Variants in ZBTB8B observed in about 807,000 individuals in gnomAD.
ZBTB8B encodes the protein zinc finger and BTB domain-containing protein 8B.
ZBTB8B carries 17 observed loss-of-function variants against 30.3 expected under a neutral mutation model. The ratio of observed to expected loss-of-function variants is 0.56; its 90% CI spans 0.38 to 0.84. The LOEUF is 0.84. Among genes scored for constraint, ZBTB8B ranks in the 40% least tolerant of loss-of-function variants. The pLI, the probability that ZBTB8B is intolerant of heterozygous loss-of-function variation, is 0.00. For synonymous variants in ZBTB8B, 248 were observed against 255.6 expected, an observed-to-expected ratio of 0.97 and a Z score of 0.28; for missense variants, 515 against 644.9, an observed-to-expected ratio of 0.80 and a Z score of 2.18.
At chr1:32,473,523 T>C (rs1432419303) in intron 2 of ZBTB8B, among the ~76,000 whole-genome samples, 1 of 151,220 alleles carries the variant, frequency 6.6e-6, no homozygotes, top group African/African-American at 2.4e-5. Flanking sequence ...TTTTTTTTTT[T>C]TTTTTTTGAG....
intron 2 of ZBTB8B, among the ~76,000 whole-genome samples, chr1:32,477,376 G>C (rs1223835447): frequency 1.3e-5 from 2 of 152,184 alleles, no homozygotes; most frequent in African/African-American, 2.4e-5. Flanking sequence ...TCAGGAAAGG[G>C]GAAGAAAGTG....
rs1643728670 is a variant in ZBTB8B at position 32,484,415 on chromosome 1, C to A, written c.1171-686C>A. Among the ~76,000 whole-genome samples the A allele has an allele frequency of 6.6e-6, 1 of 151,938 alleles. No homozygotes were observed. The highest frequency in any genetic ancestry group is 6.6e-5 in the Admixed American group (1 of 15,238). On this transcript the variant is annotated intron_variant, in intron 3 of 3. Transcript: ENST00000609129. The surrounding 1 kb of genome is among the most constrained non-coding windows in gnomAD (Gnocchi z 4.5). ...ATCGCTAGGTGGAGGCCCTAACTGG[C>A]CTAGAGCATCAGGAAAGACCTCCTT...
rs1301500785 is a variant in ZBTB8B, at chr1:32,471,348, G to A, written c.724G>A (p.Val242Ile). Residue 242 changes from valine (V) to isoleucine (I), a missense_variant, in exon 2 of 4, where the codon GTT (valine) becomes ATT (isoleucine). This residue lies in a region of ZBTB8B where 429 missense variants were observed against 504.3 expected (regional missense o/e 0.85). Transcript: ENST00000609129. The part of the protein sequence containing the change: ...EFDADEVEVD[V>I]GEQLQQYAAP... ...TGATGCTGATGAAGTGGAGGTGGACGTTGGTGAACAGCTGCAGCAGTATGC... is the reference window on the plus strand; with the variant it reads ...TGATGCTGATGAAGTGGAGGTGGACATTGGTGAACAGCTGCAGCAGTATGC... 1 of 1,551,688 alleles carries A rather than the reference G, an allele frequency of 6.4e-7. No individual in the cohort carries two copies. The highest frequency in any genetic ancestry group is 1.4e-5 in the African/African-American group (1 of 73,066).
chr1:32,473,313 AAAAG>A (rs527368823), intron 2 of ZBTB8B, among the ~76,000 whole-genome samples: 54 of 152,228 alleles, frequency 3.5e-4, no homozygotes, highest in African/African-American at 6.3e-4. Context: ...CTCAAAAAAA[AAAAG>A]AAAGAAAGAA....
Sources: allele counts gnomAD v4.1 joint callset (sites outside exome capture counted in the v4.1 genomes callset), GRCh38; gene constraint gnomAD v4.1.1; regional missense constraint gnomAD v4.1.1; non-coding constraint Gnocchi (gnomAD v3.1); transcripts MANE v1.5; gene names NCBI Gene and HGNC (gene_info 2026-07-23, HGNC 2026-07-21).